ROR2: variants seen among roughly 807,000 people sequenced by gnomAD.
ROR2 encodes ROR family WNT receptor 2.
In ROR2, 33 loss-of-function variants were observed where a neutral mutation model predicts 74.9. The ratio of observed to expected loss-of-function variants is 0.44; its 90% CI spans 0.33 to 0.59. The LOEUF (loss-of-function observed/expected upper bound fraction) is 0.59. Ranked by LOEUF, ROR2 falls within the 20% of genes least tolerant of loss-of-function variation. The pLI is 0.02. For synonymous variants in ROR2, 586 were observed against 558.7 expected (o/e 1.05, Z -0.69); for missense variants, 1,216 against 1,313.8 (o/e 0.93, Z 1.15).
At chr9:91,857,775 TGGAGCCACAGG>T (rs931701319) in intron 1 of ROR2, among the ~76,000 whole-genome samples, 77 of 152,300 alleles carry the variant, frequency 5.1e-4, no homozygotes, top group Non-Finnish European at 2.6e-4. Flanking sequence ...GGGAGGGGCC[TGGAGCCACAGG>T]GCAGCCCTTG....
chr9:91,771,383 C>G (rs1230634188), intron 2 of ROR2, among the ~76,000 whole-genome samples: 4 of 152,222 alleles, frequency 2.6e-5, no homozygotes, highest in Non-Finnish European at 1.5e-5. Context: ...ATTTAAAACA[C>G]AGTCTTGGAA....
chr9:91,789,155 T>TA (rs1435778307), intron 1 of ROR2, among the ~76,000 whole-genome samples: 1 of 152,196 alleles, frequency 6.6e-6, no homozygotes. Context: ...ACATGGTACT[T>TA]ACCCCAATTT....
intron 1 of ROR2, among the ~76,000 whole-genome samples, chr9:91,780,395 G>A (rs1387731195): frequency 1.3e-5 from 2 of 150,348 alleles, no homozygotes; most frequent in African/African-American, 2.4e-5. Context: ...ATGAAAGAAA[G>A]AAAGAAAGAA....
chr9:91,737,544 T>C (rs374007114), intron 4 of ROR2, 26 bp from the exon 5 acceptor site: 2 of 1,613,998 alleles, frequency 1.2e-6, no homozygotes, highest in African/African-American at 2.7e-5. Flanking sequence ...CAAAGTCTGT[T>C]AGAGCTCTGG....
chr9:91,887,048 CA>C (rs1310829177), intron 1 of ROR2: 2 of 152,172 alleles, frequency 1.3e-5, no homozygotes, highest in African/African-American at 4.8e-5. Flanking sequence ...TGCACAAAGG[CA>C]AGGCTTGCTA....
chr9:91,758,443 A>T (rs1731077602), intron 2 of ROR2, among the ~76,000 whole-genome samples: 1 of 152,208 alleles, frequency 6.6e-6, no homozygotes, highest in Non-Finnish European at 1.5e-5. Context: ...TTAAAAAAAG[A>T]TGTGTGACAA....
At chr9:91,785,182 G>A (rs868452992) in intron 1 of ROR2, among the ~76,000 whole-genome samples, 1 of 152,114 alleles carries the variant, frequency 6.6e-6, no homozygotes, top group Non-Finnish European at 1.5e-5. Flanking sequence ...CTGCTCCCCT[G>A]CAGTTTGCAT....
intron 1 of ROR2, among the ~76,000 whole-genome samples, chr9:91,867,894 C>T (rs1033634520): frequency 1.3e-5 from 2 of 152,152 alleles, no homozygotes; most frequent in Admixed American, 1.3e-4. Flanking sequence ...AACAGACTGA[C>T]TGCCCGTAAA....
chr9:91,860,261 C>T (rs1380412327), intron 1 of ROR2, among the ~76,000 whole-genome samples: 4 of 152,094 alleles, frequency 2.6e-5, no homozygotes, highest in Non-Finnish European at 5.9e-5. Flanking sequence ...GAGAAGCCCT[C>T]GGCAGCGCTT....
chr9:91,742,519 A>C (rs557603034), intron 4 of ROR2, among the ~76,000 whole-genome samples: 1 of 152,388 alleles, frequency 6.6e-6, no homozygotes, highest in Non-Finnish European at 1.5e-5. Flanking sequence ...GAACTGAAAC[A>C]TAAGAGTCTA....
chr9:91,723,800 C>T lies in ROR2; in HGVS notation c.2694G>A (p.Gln898=). 1 of 1,613,896 alleles carries T rather than the reference C, an allele frequency of 6.2e-7. No individual in the cohort carries two copies. The highest frequency in any genetic ancestry group is 8.5e-7 in the Non-Finnish European group (1 of 1,180,042). The change falls in exon 9 of 9, where the codon CAG becomes CAA. Residue 898 remains glutamine, a synonymous_variant. Transcript: ENST00000375708. ...TCTGGGCCCCATCTTCTGGGGCGTTCTGTGTGTCATCAGCGCCCTCTGAGA... is the reference window on the plus strand; with the variant it reads ...TCTGGGCCCCATCTTCTGGGGCGTTTTGTGTGTCATCAGCGCCCTCTGAGA... ...ALLSEGADDT[Q]NAPEDGAQST...
intron 1 of ROR2, among the ~76,000 whole-genome samples, chr9:91,882,060 G>T (rs1031898826): frequency 6.6e-6 from 1 of 152,120 alleles, no homozygotes; most frequent in Non-Finnish European, 1.5e-5. Flanking sequence ...GGACAGTTTG[G>T]TTCCTGTCCT....
At chr9:91,835,613 A>T (rs1296673022) in intron 1 of ROR2, among the ~76,000 whole-genome samples, 1 of 152,256 alleles carries the variant, frequency 6.6e-6, no homozygotes, top group Non-Finnish European at 1.5e-5. Flanking sequence ...CAGTAAACTC[A>T]GGAGCCTGCA....
intron 1 of ROR2, among the ~76,000 whole-genome samples, chr9:91,845,978 G>C (rs1174625516): frequency 6.7e-6 from 1 of 149,338 alleles, no homozygotes; most frequent in Non-Finnish European, 1.5e-5. Context: ...TCCCCACTGA[G>C]AAGCAGCTGG....
chr9:91,900,639 C>G (rs954466293), intron 1 of ROR2, among the ~76,000 whole-genome samples: 1 of 152,210 alleles, frequency 6.6e-6, no homozygotes, highest in African/African-American at 2.4e-5. Flanking sequence ...GAGAGGACTC[C>G]TCGCGGGGCA....
At position 91,879,177 on chromosome 9, in the gene ROR2, T is replaced by C. The variant is rs148692178; in HGVS notation, c.97+70690A>G. ...TAATGGGTGCATCACCAAACGGACA[T>C]AGGGCTCCATTTCCAGGAAGGGAGA... is the stretch of plus-strand genomic sequence containing the variant. On this transcript the variant is annotated intron_variant, in intron 1 of 8. Transcript: ENST00000375708. 2.7e-3 allele frequency among the ~76,000 whole-genome samples: 413 copies of C among 151,188 alleles called. 2 individuals are homozygous for C. The highest frequency in any genetic ancestry group is 4.0e-3 in the Non-Finnish European group (270 of 67,888).
intron 1 of ROR2, among the ~76,000 whole-genome samples, chr9:91,814,593 G>A (rs1563978208): frequency 1.3e-5 from 2 of 152,130 alleles, no homozygotes; most frequent in African/African-American, 2.4e-5. Flanking sequence ...ACCACTCTTT[G>A]GAAGAAATCC....
intron 1 of ROR2, among the ~76,000 whole-genome samples, chr9:91,830,236 A>G (rs953115320): frequency 9.2e-5 from 14 of 152,182 alleles, no homozygotes; most frequent in African/African-American, 3.4e-4. Context: ...TGTGCAAGGC[A>G]GGTGGATCGC....
chr9:91,827,676 AGTCCAATGTACAGATCG>A (rs1347428570), intron 1 of ROR2, among the ~76,000 whole-genome samples: 1 of 152,212 alleles, frequency 6.6e-6, no homozygotes, highest in African/African-American at 2.4e-5. Context: ...TGTACAGATC[AGTCCAATGTACAGATCG>A]GTCCAATGTA....
Sources: allele counts gnomAD v4.1 joint callset (sites outside exome capture counted in the v4.1 genomes callset), GRCh38; gene constraint gnomAD v4.1.1; transcripts MANE v1.5; gene names NCBI Gene and HGNC (gene_info 2026-07-23, HGNC 2026-07-21).